The following ALPK1 variants were observed in gnomAD, a reference collection of about 807,000 sequenced individuals.
The protein encoded by ALPK1 is alpha kinase 1, also known as alpha-protein kinase 1.
In ALPK1, 110 loss-of-function variants were observed where a neutral mutation model predicts 120.6. The ratio of observed to expected loss-of-function variants is 0.91; its 90% CI spans 0.78 to 1.07. The LOEUF is 1.07. Ranked by LOEUF, ALPK1 falls within the 50% of genes least tolerant of loss-of-function variation. ALPK1 has a pLI of 0.00. For synonymous variants in ALPK1, 582 were observed against 560.3 expected (o/e 1.04, Z -0.55); for missense variants, 1,498 against 1,483.9 (o/e 1.01, Z -0.16).
intron 4 of ALPK1, among the ~76,000 whole-genome samples, chr4:112,389,137 C>T (rs1732287804): frequency 1.3e-5 from 2 of 151,868 alleles, no homozygotes; most frequent in Non-Finnish European, 2.9e-5. Flanking sequence ...CTCCACCTCC[C>T]GGATTCAAGC....
intron 6 of ALPK1, among the ~76,000 whole-genome samples, chr4:112,424,397 A>G (rs921540866): frequency 6.6e-6 from 1 of 152,232 alleles, no homozygotes; most frequent in African/African-American, 2.4e-5. Context: ...ATCAATTTAA[A>G]TGGTTCAGAA....
chr4:112,432,024 C>G lies in ALPK1; in HGVS notation c.2477C>G (p.Pro826Arg). 6.2e-7 allele frequency: 1 copy of G among 1,613,982 alleles called. No individual in the cohort carries two copies. The highest frequency in any genetic ancestry group is 1.3e-5 in the African/African-American group (1 of 75,038). The change falls in exon 11 of 16, where the codon CCT (proline) becomes CGT (arginine). Residue 826 changes from proline (P) to arginine (R), a missense_variant. Coordinates refer to ENST00000650871, the MANE Select transcript of ALPK1 (RefSeq NM_025144.4). ...TGTAGCTCCTTCACCCCTAATTGGCCTGTTCAAAATCCTGACTCCAGAAAA... is the reference window on the plus strand; with the variant it reads ...TGTAGCTCCTTCACCCCTAATTGGCGTGTTCAAAATCCTGACTCCAGAAAA... ...LPCSSFTPNW[P>R]VQNPDSRKSG...
chr4:112,363,007 G>A (rs1056845209), intron 2 of ALPK1, among the ~76,000 whole-genome samples: 2 of 152,156 alleles, frequency 1.3e-5, no homozygotes, highest in African/African-American at 4.8e-5. Flanking sequence ...ATGAAGGAAA[G>A]ATACAGTCTT....
chr4:112,320,500 G>A (rs1325192274), intron 2 of ALPK1, among the ~76,000 whole-genome samples: 1 of 152,060 alleles, frequency 6.6e-6, no homozygotes, highest in Non-Finnish European at 1.5e-5. Context: ...TTGCCCTGTA[G>A]TTTTCTTTTT....
chr4:112,308,369 T>C (rs1484869899), intron 1 of ALPK1, among the ~76,000 whole-genome samples: 1 of 152,126 alleles, frequency 6.6e-6, no homozygotes, highest in African/African-American at 2.4e-5. Flanking sequence ...ATTCTCCCCG[T>C]CACTCTCAGG....
chr4:112,351,543 G>A (rs575519496), intron 2 of ALPK1, among the ~76,000 whole-genome samples: 55 of 151,204 alleles, frequency 3.6e-4, no homozygotes, highest in Non-Finnish European at 4.9e-4. Context: ...GCACGATCTC[G>A]GCTCACTGCA....
At chr4:112,392,158 T>TAA (rs997939013) in intron 4 of ALPK1, among the ~76,000 whole-genome samples, 6 of 152,204 alleles carry the variant, frequency 3.9e-5, no homozygotes, top group Non-Finnish European at 7.3e-5. Flanking sequence ...AAGAGCCCAC[T>TAA]AAATATTTCC....
intron 2 of ALPK1, among the ~76,000 whole-genome samples, chr4:112,352,132 A>C (rs1730387469): frequency 6.6e-6 from 1 of 152,180 alleles, no homozygotes; most frequent in African/African-American, 2.4e-5. Context: ...TTACCAACCC[A>C]ATACTTCCAG....
intron 12 of ALPK1, 49 bp downstream of exon 12, chr4:112,435,350 G>A: frequency 6.4e-7 from 1 of 1,557,718 alleles, no homozygotes; most frequent in Non-Finnish European, 8.7e-7. Flanking sequence ...AGCTAACCTT[G>A]CTCTTCTGTT....
intron 2 of ALPK1, chr4:112,359,884 G>A (rs1266090434): frequency 1.9e-5 from 5 of 259,272 alleles, no homozygotes; most frequent in East Asian, 1.1e-4. Context: ...GCTCTGGTGG[G>A]CCAAGAACTC....
chr4:112,405,864 A>G (rs975101431), intron 4 of ALPK1, among the ~76,000 whole-genome samples: 1 of 152,110 alleles, frequency 6.6e-6, no homozygotes, highest in African/African-American at 2.4e-5. Flanking sequence ...CATGAGCCAC[A>G]ACACTCTGCC....
chr4:112,314,645 G>C (rs1442351304), intron 1 of ALPK1, among the ~76,000 whole-genome samples: 1 of 152,138 alleles, frequency 6.6e-6, no homozygotes, highest in Non-Finnish European at 1.5e-5. Flanking sequence ...AATGCCCTGA[G>C]AACTGGCAGC....
intron 1 of ALPK1, among the ~76,000 whole-genome samples, chr4:112,298,670 A>G (rs959855174): frequency 6.6e-6 from 1 of 152,208 alleles, no homozygotes; most frequent in African/African-American, 2.4e-5. Flanking sequence ...CTGTAAAGAA[A>G]AGGCATGTGT....
chr4:112,426,003 A>G lies in ALPK1; in HGVS notation c.622+252A>G, dbSNP rs536655539. On this transcript the variant is annotated intron_variant, in intron 7 of 15. Coordinates refer to ENST00000650871, the MANE Select transcript of ALPK1 (RefSeq NM_025144.4). ...TTGTAATGTTAACTGTAGGGTTCCC[A>G]GTGTTATTTCTAGCATCTGACTCAG... 11 of 324,104 alleles carry G rather than the reference A, an allele frequency of 3.4e-5. No homozygotes were observed. In the East Asian group the frequency reaches 5.1e-4, roughly 15 times the overall value. 20.1% of individuals were successfully genotyped at this position (324,104 alleles called of 1,614,324 possible).
intron 2 of ALPK1, among the ~76,000 whole-genome samples, chr4:112,368,009 C>T (rs903243098): frequency 6.6e-6 from 1 of 152,166 alleles, no homozygotes; most frequent in African/African-American, 2.4e-5. Context: ...TTAAGTGATT[C>T]TCCTGCCTCA....
chr4:112,411,759 C>T, intron 4 of ALPK1, 68 bp from the exon 5 acceptor site: 6 of 1,483,260 alleles, frequency 4.0e-6, no homozygotes, highest in Non-Finnish European at 2.8e-6. Flanking sequence ...ATGCCTCCCA[C>T]GCTAAGCCTG....
chr4:112,429,427 G>C lies in ALPK1; in HGVS notation c.900+174G>C, dbSNP rs189056549. Among the ~76,000 whole-genome samples the C allele has an allele frequency of 7.9e-5, 12 of 152,318 alleles. No homozygotes were observed. In the East Asian group the frequency reaches 2.3e-3, roughly 29 times the overall value. ...GAAAAATTTTATTGGTCGGAGTTTT[G>C]ACAGCCTACTAGGAGCTAAATTAAT... On this transcript the variant is annotated intron_variant, in intron 10 of 15. Coordinates refer to ENST00000650871, the MANE Select transcript of ALPK1 (RefSeq NM_025144.4).
In ALPK1 at chr4:112,356,456, C is replaced by G. The variant is rs1017484114; in HGVS notation, c.-100-21222C>G. 1.1e-5 allele frequency: 10 copies of G among 945,264 alleles called. No homozygotes were observed. The Admixed American group carries it at 1.5e-4, about 15-fold the overall frequency. 58.6% of individuals were successfully genotyped at this position (945,264 alleles called of 1,614,324 possible). ...CTTGCTACACGGACATCCCAAAGAT[C>G]ATTTACGCCTTTAGGACCCACTCGC... On this transcript the variant is annotated intron_variant, in intron 2 of 15. Transcript: ENST00000650871.
chr4:112,350,175 C>G (rs1383104037), intron 2 of ALPK1, among the ~76,000 whole-genome samples: 1 of 152,218 alleles, frequency 6.6e-6, no homozygotes, highest in East Asian at 1.9e-4. Flanking sequence ...CATCCCATTA[C>G]TCCAAGACAG....
Sources: gnomAD v4.1 joint callset for allele counts (sites outside exome capture counted in the v4.1 genomes callset) on GRCh38, gnomAD v4.1.1 for gene constraint, MANE v1.5 for transcripts, NCBI Gene and HGNC (gene_info 2026-07-23, HGNC 2026-07-21) for gene names.